The following CBFA2T3 variants were observed in gnomAD, a reference collection of about 807,000 sequenced individuals.
The protein encoded by CBFA2T3 is transcriptional corepressor CBFA2T3.
A neutral mutation model predicts 58.6 loss-of-function variants in CBFA2T3; 31 were observed. The ratio of observed to expected loss-of-function variants is 0.53; its 90% CI spans 0.40 to 0.71. CBFA2T3 has a LOEUF of 0.71. Among genes scored for constraint, CBFA2T3 ranks in the 30% least tolerant of loss-of-function variants. The probability of loss-of-function intolerance (pLI) is 0.00; values close to 1 mark genes in which losing one functional copy is unlikely to be tolerated. For synonymous variants in CBFA2T3, 531 were observed against 421.9 expected (o/e 1.26, Z -3.17); for missense variants, 1,076 against 963.1 (o/e 1.12, Z -1.55).
At chr16:88,961,779 AC>A in intron 1 of CBFA2T3, among the ~76,000 whole-genome samples, 1 of 102,606 alleles carries the variant, frequency 9.7e-6, no homozygotes, top group Non-Finnish European at 2.2e-5. Flanking sequence ...GGGCATTCCC[AC>A]TGCATAGTAA....
chr16:88,885,027 GCCCCA>G lies in CBFA2T3; in HGVS notation c.1117+14_1117+18del. On this transcript the variant is annotated intron_variant, in intron 7 of 11. Coordinates refer to ENST00000268679, the MANE Select transcript of CBFA2T3 (RefSeq NM_005187.6). This position sits in a 1 kb window ranked among gnomAD's most constrained non-coding sequence, Gnocchi z 5.3. ...TCCTGTAACACGCGTCCACGCTCCC[GCCCCA>G]CCGGGCTGCTCACCAAGCGGCCGAT... 1 of 1,566,348 alleles carries G rather than the reference GCCCCA, an allele frequency of 6.4e-7. No individual in the cohort carries two copies. Among genetic ancestry groups the G allele is most frequent in the East Asian group, 2.3e-5 (1 of 43,912 alleles).
At chr16:88,904,982 C>G (rs1216924667) in intron 1 of CBFA2T3, among the ~76,000 whole-genome samples, 1 of 152,164 alleles carries the variant, frequency 6.6e-6, no homozygotes, top group Non-Finnish European at 1.5e-5. Context: ...GGCGCTGCCC[C>G]TGGCACAGAC....
At chr16:88,974,819 T>G (rs1376711859) in intron 1 of CBFA2T3, among the ~76,000 whole-genome samples, 2 of 151,988 alleles carry the variant, frequency 1.3e-5, no homozygotes, top group Non-Finnish European at 2.9e-5. Context: ...TGCCGAGGCT[T>G]TCTGGCATCA....
At chr16:88,897,953 C>T in intron 3 of CBFA2T3, 125 bp downstream of exon 3, 1 of 736,342 alleles carries the variant, frequency 1.4e-6, no homozygotes, top group South Asian at 1.5e-5. Context: ...ACAACAGAGG[C>T]AATGCTGAGG....
intron 5 of CBFA2T3, chr16:88,886,451 T>G: frequency 3.4e-6 from 1 of 291,444 alleles, no homozygotes; most frequent in East Asian, 5.8e-5. Flanking sequence ...CCCAGCTCCC[T>G]CCCATGGCGT....
chr16:88,976,142 C>T (rs944832282), intron 1 of CBFA2T3, among the ~76,000 whole-genome samples: 1 of 152,218 alleles, frequency 6.6e-6, no homozygotes, highest in African/African-American at 2.4e-5. Flanking sequence ...CCCGTAAACC[C>T]CCACTGCCCT....
At chr16:88,890,001 C>G (rs12444435) in intron 5 of CBFA2T3, among the ~76,000 whole-genome samples, 3 of 122,334 alleles carry the variant, frequency 2.5e-5, no homozygotes, top group South Asian at 2.6e-4. Context: ...CTCCAGGGGA[C>G]GTTTCAAATC....
intron 1 of CBFA2T3, among the ~76,000 whole-genome samples, chr16:88,925,840 C>G (rs1205717445): frequency 6.6e-6 from 1 of 152,220 alleles, no homozygotes. Flanking sequence ...AGCCCCGGTA[C>G]CAAGGACATG....
chr16:88,917,187 G>A (rs1439415884), intron 1 of CBFA2T3, among the ~76,000 whole-genome samples: 1 of 152,222 alleles, frequency 6.6e-6, no homozygotes. Context: ...GAGTTAGCTG[G>A]CCCTGCCCTC....
chr16:88,908,792 A>G (rs1374097707), intron 1 of CBFA2T3, among the ~76,000 whole-genome samples: 1 of 152,274 alleles, frequency 6.6e-6, no homozygotes, highest in Non-Finnish European at 1.5e-5. Flanking sequence ...GACGCTGGGC[A>G]GGTAACGCAG....
intron 1 of CBFA2T3, chr16:88,941,303 C>CCGCCGCGCCTGTGGCTCCAA (rs1198465648): frequency 5.3e-6 from 2 of 375,562 alleles, no homozygotes; most frequent in Non-Finnish European, 7.3e-6. Flanking sequence ...CCGGGTCCAG[C>CCGCCGCGCCTGTGGCTCCAA]CGCCGCGCCT....
chr16:88,934,551 T>C (rs1971433365), intron 1 of CBFA2T3, among the ~76,000 whole-genome samples: 1 of 151,524 alleles, frequency 6.6e-6, no homozygotes, highest in African/African-American at 2.4e-5. Context: ...CTGTGCACAG[T>C]GTGTGGTGCT....
At chr16:88,906,758 G>C (rs1271899833) in intron 1 of CBFA2T3, among the ~76,000 whole-genome samples, 1 of 152,180 alleles carries the variant, frequency 6.6e-6, no homozygotes, top group Non-Finnish European at 1.5e-5. Flanking sequence ...GCCCAGAGAG[G>C]GTGAGTGACT....
chr16:88,894,522 CAT>C (rs1490272677), intron 3 of CBFA2T3, among the ~76,000 whole-genome samples: 1 of 130,624 alleles, frequency 7.7e-6, no homozygotes, highest in Non-Finnish European at 1.6e-5. Flanking sequence ...CACACACATG[CAT>C]ACATATACAC....
chr16:88,896,885 C>T (rs957061905), intron 3 of CBFA2T3, among the ~76,000 whole-genome samples: 4 of 152,168 alleles, frequency 2.6e-5, no homozygotes, highest in Admixed American at 6.5e-5. Context: ...CGCCTGCCCG[C>T]GCACTCCCTC....
chr16:88,892,441 G>A lies in CBFA2T3; in HGVS notation c.424C>T (p.Pro142Ser). 1 of 1,613,430 alleles carries A rather than the reference G, an allele frequency of 6.2e-7. No homozygotes were observed. Residue 142 changes from proline to serine, a missense_variant, in exon 4 of 12, where the codon CCG (proline) becomes TCG (serine). Physicochemically the swap from Pro to Ser is moderately conservative, Grantham distance 74. Coordinates refer to ENST00000268679, the MANE Select transcript of CBFA2T3 (RefSeq NM_005187.6). Reference protein sequence around the residue: ...SHSPTAINGAPCTPNGFSNGP... With the variant: ...SHSPTAINGASCTPNGFSNGP... ...TTGCTGAAGCCGTTGGGTGTGCACGGTGCACCATTGATGGCTGTTGGTGAG... is the reference window on the plus strand; with the variant it reads ...TTGCTGAAGCCGTTGGGTGTGCACGATGCACCATTGATGGCTGTTGGTGAG...
chr16:88,921,774 G>A (rs1057388942), intron 1 of CBFA2T3, among the ~76,000 whole-genome samples: 1 of 152,252 alleles, frequency 6.6e-6, no homozygotes, highest in Non-Finnish European at 1.5e-5. Context: ...TGCGGCTGCA[G>A]CTCCCTCATT....
At chr16:88,894,524 T>C (rs1046540908) in intron 3 of CBFA2T3, among the ~76,000 whole-genome samples, 4 of 117,336 alleles carry the variant, frequency 3.4e-5, no homozygotes, top group Non-Finnish European at 6.7e-5. Context: ...CACACATGCA[T>C]ACATATACAC....
intron 1 of CBFA2T3, among the ~76,000 whole-genome samples, chr16:88,946,762 C>T (rs145441486): frequency 2.0e-5 from 3 of 151,810 alleles, no homozygotes; most frequent in African/African-American, 7.3e-5. Context: ...ATTACAGACA[C>T]GAGCCACTGC....
Sources: gnomAD v4.1 joint callset for allele counts (sites outside exome capture counted in the v4.1 genomes callset) on GRCh38, gnomAD v4.1.1 for gene constraint, Gnocchi (gnomAD v3.1) non-coding constraint, MANE v1.5 for transcripts, NCBI Gene and HGNC (gene_info 2026-07-23, HGNC 2026-07-21) for gene names.